TSHZ1: variants seen among roughly 807,000 people sequenced by gnomAD.
TSHZ1 encodes the protein teashirt homolog 1.
In TSHZ1, 12 loss-of-function variants were observed where a neutral mutation model predicts 67.1. The ratio of observed to expected loss-of-function variants is 0.18; its 90% confidence interval spans 0.11 to 0.29. The LOEUF (loss-of-function observed/expected upper bound fraction) is 0.29, where lower values mean the gene tolerates loss of function less well. Ranked by LOEUF, TSHZ1 falls within the 10% of genes least tolerant of loss-of-function variation. The pLI is 1.00. For missense variants in TSHZ1, 1,305 were observed against 1,413.9 expected, an observed-to-expected ratio of 0.92 and a Z score of 1.23; for synonymous variants, 632 against 622.4, an observed-to-expected ratio of 1.02 and a Z score of -0.23.
chr18:75,220,176 A>C (rs149646199), intron 1 of TSHZ1, among the ~76,000 whole-genome samples: 58 of 152,344 alleles, frequency 3.8e-4, no homozygotes, highest in African/African-American at 1.4e-3. Context: ...CATTTAAAAC[A>C]CTGTGCTCCA....
At chr18:75,217,033 C>T (rs968688757) in intron 1 of TSHZ1, among the ~76,000 whole-genome samples, 3 of 152,192 alleles carry the variant, frequency 2.0e-5, no homozygotes, top group African/African-American at 4.8e-5. Context: ...TGATCAATGG[C>T]GCCTGCTTTC....
At chr18:75,268,261 A>G (rs915421601) in intron 1 of TSHZ1, among the ~76,000 whole-genome samples, 7 of 152,234 alleles carry the variant, frequency 4.6e-5, no homozygotes, top group African/African-American at 1.4e-4. Flanking sequence ...TCGCTGCTCC[A>G]GAAAGATTGC....
chr18:75,232,783 T>A (rs952885679), intron 1 of TSHZ1, among the ~76,000 whole-genome samples: 5 of 152,218 alleles, frequency 3.3e-5, no homozygotes, highest in Non-Finnish European at 5.9e-5. Flanking sequence ...TGAAAAGAAA[T>A]TTAGTGCATA....
rs576732720 is a variant in TSHZ1, at chr18:75,236,789, T to C, written c.40+24873T>C. Among the ~76,000 whole-genome samples, 343 of 152,266 alleles carry C rather than the reference T, an allele frequency of 2.3e-3. 3 individuals carry two copies. The highest frequency in any genetic ancestry group is 4.4e-3 in the Non-Finnish European group (296 of 68,030). On this transcript the variant is annotated intron_variant, in intron 1 of 1. Coordinates refer to ENST00000580243, the MANE Select transcript of TSHZ1 (RefSeq NM_001308210.2). The stretch of plus-strand genomic sequence containing the variant: ...TAATTTCAGTTTTATAGTTATCTTA[T>C]TATTCTCTTCATTTATAGAGTGAGG...
At chr18:75,269,955 C>G (rs771194942) in intron 1 of TSHZ1, among the ~76,000 whole-genome samples, 2 of 152,212 alleles carry the variant, frequency 1.3e-5, no homozygotes, top group African/African-American at 2.4e-5. Flanking sequence ...CCTCTGTAGC[C>G]TGTCATAGCG....
chr18:75,263,884 T>C (rs1363093611), intron 1 of TSHZ1, among the ~76,000 whole-genome samples: 1 of 152,348 alleles, frequency 6.6e-6, no homozygotes, highest in East Asian at 1.9e-4. Flanking sequence ...TGTTGATTTA[T>C]ACCATGATGC....
In TSHZ1 at chr18:75,211,912, G is replaced by T; in HGVS notation, c.36G>T (p.Ser12=). Residue 12 remains serine, a synonymous_variant, in exon 1 of 2, where the codon TCG becomes TCT. Coordinates refer to ENST00000580243, the MANE Select transcript of TSHZ1 (RefSeq NM_001308210.2). ...PRRKQQAPRR[S]AAYVPEEELK... is the part of the protein sequence containing the mutation. ...GGAAGCAGCAGGCCCCCCGGCGCTC[G>T]GCAGGTAACGGGCGCGCGGCCCGCG... The T allele has an allele frequency of 8.3e-7, 1 of 1,201,412 alleles. No individual in the cohort carries two copies. Among genetic ancestry groups the T allele is most frequent in the African/African-American group, 1.6e-5 (1 of 62,934 alleles). 74.4% of individuals were successfully genotyped at this position (1,201,412 alleles called of 1,614,324 possible). A position where few individuals can be genotyped will look rare whatever the true frequency, so the allele number is the denominator to read the frequency against.
chr18:75,247,738 GCACA>G (rs895647222), intron 1 of TSHZ1, among the ~76,000 whole-genome samples: 1 of 152,022 alleles, frequency 6.6e-6, no homozygotes, highest in Non-Finnish European at 1.5e-5. Flanking sequence ...TCATATGTGA[GCACA>G]CACACACTCA....
At position 75,228,839 on chromosome 18, in the gene TSHZ1, C is replaced by G. The variant is rs147116503; in HGVS notation, c.40+16923C>G. Among the ~76,000 whole-genome samples, 24 of 152,322 alleles carry G rather than the reference C, an allele frequency of 1.6e-4. No individual in the cohort carries two copies. In the East Asian group the frequency reaches 4.2e-3, roughly 27 times the overall value. ...TGTCCTTTCTTCCAGGAGCACGGAT[C>G]CCAGCATCTAGGCATTCACTCAGAC... On this transcript the variant is annotated intron_variant, in intron 1 of 1. Transcript: ENST00000580243.
At chr18:75,251,531 G>T (rs2023304970) in intron 1 of TSHZ1, among the ~76,000 whole-genome samples, 1 of 135,394 alleles carries the variant, frequency 7.4e-6, no homozygotes. Context: ...TCAAGCTTTG[G>T]CACCTACTGC....
At chr18:75,248,396 C>T (rs1038283785) in intron 1 of TSHZ1, among the ~76,000 whole-genome samples, 1 of 152,240 alleles carries the variant, frequency 6.6e-6, no homozygotes, top group Non-Finnish European at 1.5e-5. Context: ...AAGTCCTAGA[C>T]TGTGGCCCAC....
At chr18:75,264,898 G>GTAC in intron 1 of TSHZ1, among the ~76,000 whole-genome samples, 1 of 152,322 alleles carries the variant, frequency 6.6e-6, no homozygotes, top group South Asian at 2.1e-4. Context: ...AGGCAAAGAT[G>GTAC]TACTATCCAC....
intron 1 of TSHZ1, among the ~76,000 whole-genome samples, chr18:75,228,301 C>T (rs1156444893): frequency 6.6e-6 from 1 of 152,144 alleles, no homozygotes; most frequent in Admixed American, 6.5e-5. Flanking sequence ...GCTGAGAAGG[C>T]GTGAATGGTG....
At chr18:75,264,039 C>T (rs1006195384) in intron 1 of TSHZ1, among the ~76,000 whole-genome samples, 1 of 152,202 alleles carries the variant, frequency 6.6e-6, no homozygotes, top group African/African-American at 2.4e-5. Flanking sequence ...ATAGAATAGT[C>T]CAGAATATCC....
rs781109773 is a variant in TSHZ1, at chr18:75,285,846, G to A, written c.439G>A (p.Asp147Asn). 1.7e-5 allele frequency: 27 copies of A among 1,613,272 alleles called. No homozygotes were observed. Among genetic ancestry groups the A allele is most frequent in the East Asian group, 4.5e-5 (2 of 44,832 alleles). Residue 147 changes from aspartate to asparagine, a missense_variant, in exon 2 of 2, where the codon GAT becomes AAT. By Grantham distance (23) the Asp-to-Asn change is conservative. This residue lies in a region of TSHZ1 where 358 missense variants were observed against 375.6 expected (regional missense o/e 0.95). Transcript: ENST00000580243. ...KKSGSTTSTN[D>N]ASQKESSAPT... ...GTCGGGTTCCACCACCAGCACCAAC[G>A]ATGCCAGCCAGAAGGAGAGCTCCGC...
intron 1 of TSHZ1, among the ~76,000 whole-genome samples, chr18:75,256,029 A>T (rs1032741201): frequency 6.6e-6 from 1 of 152,260 alleles, no homozygotes; most frequent in African/African-American, 2.4e-5. Flanking sequence ...TAACACTTTA[A>T]TGCATAAAGA....
chr18:75,276,259 C>T (rs1183716676), intron 1 of TSHZ1, among the ~76,000 whole-genome samples: 1 of 149,418 alleles, frequency 6.7e-6, no homozygotes, highest in Non-Finnish European at 1.5e-5. Flanking sequence ...ATTTTATTTG[C>T]AGACTCTGAA....
At chr18:75,238,421 C>T (rs1199473862) in intron 1 of TSHZ1, among the ~76,000 whole-genome samples, 1 of 152,134 alleles carries the variant, frequency 6.6e-6, no homozygotes, top group Non-Finnish European at 1.5e-5. Context: ...TAAGAATTGG[C>T]AAACTGGGAC....
chr18:75,254,725 C>A (rs1229392575), intron 1 of TSHZ1, among the ~76,000 whole-genome samples: 1 of 152,082 alleles, frequency 6.6e-6, no homozygotes, highest in Non-Finnish European at 1.5e-5. Context: ...GCACTGTGGG[C>A]CTTTTCTTAG....
Sources: gnomAD v4.1 joint callset for allele counts (sites outside exome capture counted in the v4.1 genomes callset) on GRCh38, gnomAD v4.1.1 for gene constraint, gnomAD v4.1.1 regional missense constraint, MANE v1.5 for transcripts, NCBI Gene and HGNC (gene_info 2026-07-23, HGNC 2026-07-21) for gene names.